Variants in PTPRG observed in about 807,000 individuals in gnomAD.
The protein encoded by PTPRG is protein tyrosine phosphatase receptor type G.
Under a neutral mutation model 165.3 loss-of-function variants are expected in PTPRG, and 102 were observed. The observed-to-expected ratio is 0.62, with a 90% CI of 0.53 to 0.73. The LOEUF (loss-of-function observed/expected upper bound fraction) is 0.73, where lower values mean the gene tolerates loss of function less well. PTPRG is among the 30% of genes least tolerant of loss of function. The pLI, the probability that PTPRG is intolerant of heterozygous loss-of-function variation, is 0.00. For missense variants in PTPRG, 1,866 were observed against 1,861.4 expected (o/e 1.00, Z -0.05); for synonymous variants, 675 against 669.5 (o/e 1.01, Z -0.13).
intron 2 of PTPRG, among the ~76,000 whole-genome samples, chr3:61,855,301 T>G (rs1241687703): frequency 6.6e-6 from 1 of 152,198 alleles, no homozygotes; most frequent in Non-Finnish European, 1.5e-5. Context: ...CTCAAGCAGT[T>G]CTCTCAGAAC....
chr3:61,992,919 A>G (rs1346443087), intron 3 of PTPRG, among the ~76,000 whole-genome samples: 1 of 152,174 alleles, frequency 6.6e-6, no homozygotes, highest in Admixed American at 6.5e-5. Context: ...TGCCTGCCTC[A>G]GCCTCCCAAA....
Position 62,122,684 on chromosome 3 carries a change from G to A in PTPRG, c.616-9918G>A, listed in dbSNP as rs566551928. On this transcript the variant is annotated intron_variant, in intron 5 of 29. Transcript: ENST00000474889. ...ATTCTATATCCCAGAATTGATTATC[G>A]ATGTTTATTTGCTCCATTTGGGGTT... Among the ~76,000 whole-genome samples the A allele has an allele frequency of 8.5e-5, 13 of 152,224 alleles. No individual in the cohort carries two copies. The East Asian group carries it at 1.2e-3, about 14-fold the overall frequency.
chr3:61,824,715 C>T (rs764932081), intron 2 of PTPRG, among the ~76,000 whole-genome samples: 1 of 152,150 alleles, frequency 6.6e-6, no homozygotes, highest in Non-Finnish European at 1.5e-5. Flanking sequence ...CAGTCAAGCC[C>T]AGGAAGTCAA....
chr3:61,671,342 G>T (rs13061339), intron 1 of PTPRG, among the ~76,000 whole-genome samples: 6,318 of 151,328 alleles, frequency 0.042, 330 homozygotes, highest in African/African-American at 0.12. Context: ...GTGATGACTC[G>T]TAAGGAGCAT....
At chr3:62,105,440 C>T (rs578194834) in intron 5 of PTPRG, among the ~76,000 whole-genome samples, 1 of 152,242 alleles carries the variant, frequency 6.6e-6, no homozygotes, top group Non-Finnish European at 1.5e-5. Flanking sequence ...ATGTAGACAA[C>T]TAAAATCAAC....
chr3:62,175,558 C>T lies in PTPRG; in HGVS notation c.1033+7395C>T, dbSNP rs148498792. 3.2e-3 allele frequency among the ~76,000 whole-genome samples: 486 copies of T among 152,252 alleles called. 3 individuals are homozygous for T. Among genetic ancestry groups the T allele is most frequent in the African/African-American group, 0.011 (469 of 41,536 alleles). ...TATTTAATCCTCAAAACAACCTCTG[C>T]CAGGATTTGCTTTTCATTCATTAAA... On this transcript the variant is annotated intron_variant, in intron 8 of 29. Coordinates refer to ENST00000474889, the MANE Select transcript of PTPRG (RefSeq NM_002841.4).
chr3:61,710,588 T>C (rs549282220), intron 1 of PTPRG, among the ~76,000 whole-genome samples: 2 of 152,266 alleles, frequency 1.3e-5, no homozygotes, highest in Non-Finnish European at 2.9e-5. Context: ...TCGTAAACTT[T>C]CTTAAAACAT....
chr3:62,128,462 G>A lies in PTPRG; in HGVS notation c.616-4140G>A, dbSNP rs577068496. Reference sequence around the variant, plus strand: ...AACTCAGGGAGATATTACTTTCAGAGCCAAGCACATTGACAAGCTCAGGGA... The same window carrying A: ...AACTCAGGGAGATATTACTTTCAGAACCAAGCACATTGACAAGCTCAGGGA... On this transcript the variant is annotated intron_variant, in intron 5 of 29. Transcript: ENST00000474889. Among the ~76,000 whole-genome samples the A allele has an allele frequency of 4.6e-5, 7 of 152,174 alleles. No individual in the cohort carries two copies. The South Asian group carries it at 1.2e-3, about 27-fold the overall frequency.
At chr3:62,171,705 T>C (rs1705222226) in intron 8 of PTPRG, among the ~76,000 whole-genome samples, 1 of 151,064 alleles carries the variant, frequency 6.6e-6, no homozygotes, top group African/African-American at 2.4e-5. Context: ...AGTGTCCCTA[T>C]TTTTTTTTAA....
chr3:61,848,756 A>G (rs940298171), intron 2 of PTPRG, among the ~76,000 whole-genome samples: 8 of 152,184 alleles, frequency 5.3e-5, no homozygotes, highest in African/African-American at 1.9e-4. Flanking sequence ...AGGAGAAGAC[A>G]CACCCACACA....
intron 1 of PTPRG, among the ~76,000 whole-genome samples, chr3:61,588,500 C>T (rs550952001): frequency 6.8e-6 from 1 of 147,468 alleles, no homozygotes; most frequent in East Asian, 1.9e-4. Context: ...GCCTCTGGAG[C>T]AGTGATGTGA....
At chr3:61,885,070 T>C (rs573389284) in intron 2 of PTPRG, among the ~76,000 whole-genome samples, 1 of 152,198 alleles carries the variant, frequency 6.6e-6, no homozygotes, top group Non-Finnish European at 1.5e-5. Context: ...TAGTAAAATG[T>C]CATTTATTGC....
At chr3:61,890,312 T>C (rs758554707) in intron 2 of PTPRG, among the ~76,000 whole-genome samples, 2 of 152,156 alleles carry the variant, frequency 1.3e-5, no homozygotes, top group Non-Finnish European at 2.9e-5. Flanking sequence ...TTTCTGTGAA[T>C]GTATCTTAGT....
intron 15 of PTPRG, among the ~76,000 whole-genome samples, chr3:62,249,911 T>C (rs1346973290): frequency 6.6e-6 from 1 of 152,202 alleles, no homozygotes; most frequent in South Asian, 2.1e-4. Context: ...TATTACTTGA[T>C]AATGACAGTA....
chr3:61,888,420 A>G (rs950042798), intron 2 of PTPRG, among the ~76,000 whole-genome samples: 2 of 150,240 alleles, frequency 1.3e-5, no homozygotes, highest in African/African-American at 5.0e-5. Context: ...TGCAAGCTCC[A>G]CCTCCCGGGT....
intron 2 of PTPRG, among the ~76,000 whole-genome samples, chr3:61,795,524 C>A (rs2035016403): frequency 6.7e-6 from 1 of 150,238 alleles, no homozygotes; most frequent in Non-Finnish European, 1.5e-5. Context: ...CCTGTAATCC[C>A]AGCTATTGAG....
intron 15 of PTPRG, among the ~76,000 whole-genome samples, chr3:62,251,021 C>T (rs142863710): frequency 4.0e-4 from 61 of 152,264 alleles, no homozygotes; most frequent in African/African-American, 1.1e-3. Flanking sequence ...ATTTTATAAT[C>T]GGGTGATTTA....
chr3:61,972,701 G>A (rs1348112443), intron 2 of PTPRG, among the ~76,000 whole-genome samples: 1 of 149,780 alleles, frequency 6.7e-6, no homozygotes, highest in East Asian at 1.9e-4. Flanking sequence ...TGCCCAGGGT[G>A]GGGTACAGTC....
intron 1 of PTPRG, among the ~76,000 whole-genome samples, chr3:61,736,655 C>T (rs1409011134): frequency 1.3e-5 from 2 of 152,070 alleles, no homozygotes; most frequent in African/African-American, 2.4e-5. Flanking sequence ...AGGAGCACTC[C>T]CTCCACAGTC....
Sources: gnomAD v4.1 joint callset for allele counts (sites outside exome capture counted in the v4.1 genomes callset) on GRCh38, gnomAD v4.1.1 for gene constraint, MANE v1.5 for transcripts, NCBI Gene and HGNC (gene_info 2026-07-23, HGNC 2026-07-21) for gene names.